TMTC2: variants seen among roughly 807,000 people sequenced by gnomAD.
TMTC2 encodes the protein protein O-mannosyl-transferase TMTC2.
A neutral mutation model predicts 82.4 loss-of-function variants in TMTC2; 43 were observed. The observed-to-expected ratio is 0.52, with a 90% CI of 0.41 to 0.67. The LOEUF is 0.67. TMTC2 is among the 30% of genes least tolerant of loss of function. TMTC2 has a pLI of 0.00. For missense variants in TMTC2, 919 were observed against 1,012.4 expected, an observed-to-expected ratio of 0.91 and a Z score of 1.25; for synonymous variants, 408 against 381.9, an observed-to-expected ratio of 1.07 and a Z score of -0.80.
intron 3 of TMTC2, among the ~76,000 whole-genome samples, chr12:82,915,310 G>T (rs967919074): frequency 8.5e-5 from 13 of 152,114 alleles, no homozygotes; most frequent in Admixed American, 6.6e-4. Context: ...TTGTGGTTAT[G>T]CATAGCATAC....
In TMTC2 at chr12:82,937,795, TACACAC is replaced by T. The variant is rs59765069; in HGVS notation, c.1598+7252_1598+7257del. 6.2e-3 allele frequency among the ~76,000 whole-genome samples: 182 copies of T among 29,258 alleles called. 1 individual carries two copies. Among genetic ancestry groups the T allele is most frequent in the African/African-American group, 0.012 (143 of 11,720 alleles). 19.2% of individuals were successfully genotyped at this position (29,258 alleles called of 152,430 possible). A position where few individuals can be genotyped will look rare whatever the true frequency, so the allele number is the denominator to read the frequency against. ...ATATATATATATATATATATATATA[TACACAC>T]ATATATATATAAAATGATGCCAAGA... On this transcript the variant is annotated intron_variant, in intron 4 of 11. Coordinates refer to ENST00000321196, the MANE Select transcript of TMTC2 (RefSeq NM_152588.3).
chr12:82,818,057 C>G (rs1868852873), intron 1 of TMTC2, among the ~76,000 whole-genome samples: 1 of 151,978 alleles, frequency 6.6e-6, no homozygotes, highest in African/African-American at 2.4e-5. Context: ...CTGTTCTTTC[C>G]CCCTGTATCT....
intron 1 of TMTC2, among the ~76,000 whole-genome samples, chr12:82,818,905 A>G (rs1868908742): frequency 6.6e-6 from 1 of 152,080 alleles, no homozygotes; most frequent in Non-Finnish European, 1.5e-5. Flanking sequence ...AATCCAAAAT[A>G]CTTGTAGTGG....
intron 1 of TMTC2, among the ~76,000 whole-genome samples, chr12:82,746,917 C>A (rs1875722374): frequency 6.6e-6 from 1 of 152,174 alleles, no homozygotes; most frequent in Non-Finnish European, 1.5e-5. Context: ...ATAAGGACAT[C>A]AGTCTTGGAA....
chr12:82,956,745 C>T (rs1877636349), intron 4 of TMTC2, among the ~76,000 whole-genome samples: 1 of 152,108 alleles, frequency 6.6e-6, no homozygotes, highest in Non-Finnish European at 1.5e-5. Flanking sequence ...TGAGCCACTG[C>T]ACCTGGCCAG....
In TMTC2 at chr12:83,061,830, A is replaced by G. The variant is rs757932670; in HGVS notation, c.2330A>G (p.Asn777Ser). ...GATCTGGCAGCCAGGCTGAGGCCTA[A>G]TGTAAGTACTTCCCTAATGAGAAAC... ...YYDLAARLRP[N>S]YPAALMNLGA... Residue 777 changes from asparagine to serine, a missense_variant and splice_region_variant, in exon 11 of 12, where the codon AAT becomes AGT. By Grantham distance (46) the Asn-to-Ser change is conservative (BLOSUM62 1). Transcript: ENST00000321196. 2 of 1,594,264 alleles carry G rather than the reference A, an allele frequency of 1.3e-6. No individual in the cohort carries two copies. Among genetic ancestry groups the G allele is most frequent in the South Asian group, 1.2e-5 (1 of 85,866 alleles).
intron 11 of TMTC2, among the ~76,000 whole-genome samples, chr12:83,121,637 C>A (rs183498012): frequency 3.1e-4 from 47 of 152,200 alleles, no homozygotes; most frequent in African/African-American, 1.1e-3. Context: ...TGGCCTCCTG[C>A]TGGGATGTGG....
intron 3 of TMTC2, among the ~76,000 whole-genome samples, chr12:82,906,431 A>AAGGC (rs1874312544): frequency 1.3e-5 from 2 of 152,100 alleles, no homozygotes; most frequent in Non-Finnish European, 2.9e-5. Context: ...TTGGGAGGCC[A>AAGGC]AGGCAGGCAG....
intron 1 of TMTC2, among the ~76,000 whole-genome samples, chr12:82,717,444 T>A (rs576914600): frequency 7.2e-5 from 11 of 152,248 alleles, no homozygotes; most frequent in African/African-American, 2.6e-4. Context: ...TTGGCCAGGC[T>A]GGTCTTGAAC....
At chr12:82,945,762 TTCCTAG>T (rs1441723351) in intron 4 of TMTC2, among the ~76,000 whole-genome samples, 1 of 152,192 alleles carries the variant, frequency 6.6e-6, no homozygotes, top group Non-Finnish European at 1.5e-5. Flanking sequence ...TAAGAATTAT[TTCCTAG>T]ACACACCAGG....
intron 10 of TMTC2, among the ~76,000 whole-genome samples, chr12:83,056,909 A>G (rs1220327763): frequency 6.6e-6 from 1 of 151,852 alleles, no homozygotes; most frequent in Non-Finnish European, 1.5e-5. Context: ...TGTTGTTAAA[A>G]TGCATGCTAT....
chr12:82,855,163 A>G (rs1871195408), intron 1 of TMTC2, among the ~76,000 whole-genome samples: 1 of 152,232 alleles, frequency 6.6e-6, no homozygotes, highest in Non-Finnish European at 1.5e-5. Context: ...AATCTAGAGA[A>G]GCAGTTGAAA....
intron 3 of TMTC2, among the ~76,000 whole-genome samples, chr12:82,899,749 T>C (rs1206028666): frequency 6.9e-6 from 1 of 144,470 alleles, no homozygotes; most frequent in Admixed American, 7.2e-5. Flanking sequence ...GGAATATATA[T>C]ATATAAGAAT....
intron 11 of TMTC2, among the ~76,000 whole-genome samples, chr12:83,105,580 A>C (rs983091561): frequency 2.0e-5 from 3 of 152,024 alleles, no homozygotes; most frequent in Non-Finnish European, 4.4e-5. Flanking sequence ...CATCCACTTA[A>C]ACAAGCAGAT....
chr12:83,020,298 C>T lies in TMTC2; in HGVS notation c.2071-10500C>T, dbSNP rs189872252. ...TGGTAGGTGCCCAACAAATATTCAT[C>T]GGAATGAAAGGAATCAATGAATACA... On this transcript the variant is annotated intron_variant, in intron 8 of 11. Coordinates refer to ENST00000321196, the MANE Select transcript of TMTC2 (RefSeq NM_152588.3). 3.2e-3 allele frequency among the ~76,000 whole-genome samples: 490 copies of T among 152,088 alleles called. 2 individuals carry two copies. The highest frequency in any genetic ancestry group is 0.011 in the African/African-American group (471 of 41,494).
At chr12:82,864,164 A>T (rs1339828133) in intron 2 of TMTC2, among the ~76,000 whole-genome samples, 1 of 152,166 alleles carries the variant, frequency 6.6e-6, no homozygotes, top group African/African-American at 2.4e-5. Context: ...GACATGGGTG[A>T]TAGAGGAAAA....
chr12:82,988,335 G>T (rs1407952065), intron 8 of TMTC2, among the ~76,000 whole-genome samples: 1 of 152,108 alleles, frequency 6.6e-6, no homozygotes, highest in East Asian at 1.9e-4. Context: ...TTACATCAAA[G>T]AAACCTGGAG....
At chr12:82,791,487 T>C (rs1878469611) in intron 1 of TMTC2, among the ~76,000 whole-genome samples, 1 of 152,228 alleles carries the variant, frequency 6.6e-6, no homozygotes, top group East Asian at 1.9e-4. Flanking sequence ...AGGCTCTTTG[T>C]CACAGAAAAA....
At chr12:83,056,878 T>C (rs747495877) in intron 10 of TMTC2, among the ~76,000 whole-genome samples, 9 of 151,924 alleles carry the variant, frequency 5.9e-5, no homozygotes, top group Non-Finnish European at 1.2e-4. Context: ...GGTATTAACA[T>C]GCAAGTGAAC....
Sources: gnomAD v4.1 joint callset for allele counts (sites outside exome capture counted in the v4.1 genomes callset) on GRCh38, gnomAD v4.1.1 for gene constraint, MANE v1.5 for transcripts, NCBI Gene and HGNC (gene_info 2026-07-23, HGNC 2026-07-21) for gene names.